FSD1L: variants seen among roughly 807,000 people sequenced by gnomAD.
FSD1L encodes fibronectin type III and SPRY domain containing 1 like, also known as FSD1-like protein.
FSD1L carries 45 observed loss-of-function variants against 71.6 expected under a neutral mutation model. The ratio of observed to expected loss-of-function variants is 0.63; its 90% CI spans 0.49 to 0.81. The LOEUF (loss-of-function observed/expected upper bound fraction) is 0.81. FSD1L is among the 30% of genes least tolerant of loss of function. FSD1L has a pLI of 0.00. For synonymous variants in FSD1L, 197 were observed against 207.2 expected (o/e 0.95, Z 0.42); for missense variants, 561 against 618.1 (o/e 0.91, Z 0.98).
chr9:105,474,839 G>A (rs1296084414), intron 5 of FSD1L, among the ~76,000 whole-genome samples: 2 of 152,220 alleles, frequency 1.3e-5, no homozygotes, highest in African/African-American at 4.8e-5. Context: ...AGAACTGAAT[G>A]TGAAGTTATG....
At chr9:105,475,853 G>A (rs1008923063) in intron 5 of FSD1L, among the ~76,000 whole-genome samples, 1 of 152,144 alleles carries the variant, frequency 6.6e-6, no homozygotes, top group African/African-American at 2.4e-5. Context: ...TTTATGAACA[G>A]ATAAATATAT....
intron 10 of FSD1L, chr9:105,526,015 C>T: frequency 1.3e-6 from 2 of 1,524,586 alleles, no homozygotes; most frequent in Non-Finnish European, 1.8e-6. Context: ...AGGAATTATT[C>T]CCACAGAATT....
chr9:105,464,211 A>G (rs1830907277), intron 2 of FSD1L, 25 bp from the exon 3 acceptor site: 1 of 1,198,230 alleles, frequency 8.3e-7, no homozygotes, highest in Non-Finnish European at 1.2e-6. Flanking sequence ...GAAATATAGT[A>G]TTTTAATGCT....
chr9:105,521,534 A>G, intron 10 of FSD1L: 1 of 1,613,930 alleles, frequency 6.2e-7, no homozygotes. Flanking sequence ...GTGAAGCAGC[A>G]GCTATGAGAA....
In FSD1L at chr9:105,464,912, C is replaced by T. The variant is rs139815293; in HGVS notation, c.207+581C>T. ...GGAGGATCGTCTGAGCCCAGGACGT[C>T]GAGGCTGCAGTGAGCATTGATTGTA... is the stretch of plus-strand genomic sequence containing the variant. On this transcript the variant is annotated intron_variant, in intron 3 of 13. Transcript: ENST00000481272. Among the ~76,000 whole-genome samples the T allele has an allele frequency of 6.5e-4, 99 of 152,072 alleles. 1 individual carries two copies. The East Asian group carries it at 0.016, about 24-fold the overall frequency.
intron 10 of FSD1L, chr9:105,513,668 A>C: frequency 4.1e-6 from 6 of 1,475,630 alleles, no homozygotes; most frequent in Non-Finnish European, 5.4e-6. Flanking sequence ...AGGACTTAGT[A>C]AAATCTAGCT....
intron 10 of FSD1L, among the ~76,000 whole-genome samples, chr9:105,534,110 G>T (rs1836109324): frequency 6.6e-6 from 1 of 152,192 alleles, no homozygotes; most frequent in South Asian, 2.1e-4. Context: ...ATTATAAGAA[G>T]AAACCTATTT....
In FSD1L at chr9:105,471,882, GTT is replaced by G. The variant is rs770801403; in HGVS notation, c.340-8_340-7del. On this transcript the variant is annotated intron_variant, in intron 4 of 13. Coordinates refer to ENST00000481272, the MANE Select transcript of FSD1L (RefSeq NM_001145313.3). ...TAGGAAACTTCATTTTAATGACTTA[GTT>G]TTTTTTTTTTTTTCCCTAGAGTCAG... 1.4e-3 allele frequency: 1,049 copies of G among 738,846 alleles called. No individual in the cohort carries two copies. The highest frequency in any genetic ancestry group is 2.2e-3 in the South Asian group (71 of 32,306). 45.8% of individuals were successfully genotyped at this position (738,846 alleles called of 1,614,324 possible).
intron 10 of FSD1L, among the ~76,000 whole-genome samples, chr9:105,533,956 C>T (rs1450456999): frequency 2.6e-5 from 4 of 152,104 alleles, no homozygotes; most frequent in African/African-American, 9.7e-5. Flanking sequence ...CTCCCGACCT[C>T]AGGTGATCCT....
rs556132396 is a variant in FSD1L, at chr9:105,524,817, A to G, written c.1026-9676A>G. The G allele has an allele frequency of 3.8e-5, 61 of 1,589,296 alleles. No homozygotes were observed. In the African/African-American group the frequency reaches 5.4e-4, roughly 14 times the overall value. On this transcript the variant is annotated intron_variant, in intron 10 of 13. Transcript: ENST00000481272. ...GGTAAATCACCTGGGCCATTATCCA[A>G]TGAGCGGTGGTCCTGCTATGCTAAC...
rs536189264 is a variant in FSD1L at position 105,489,239 on chromosome 9, A to C, written c.586+4737A>C. 3.3e-5 allele frequency among the ~76,000 whole-genome samples: 5 copies of C among 152,264 alleles called. No homozygotes were observed. The South Asian group carries it at 1.0e-3, about 32-fold the overall frequency. ...AGGTAAAATGCATGGTGAAGCCTAC[A>C]TATGCCTTTTTTGGGGCCCACTGAT... is the stretch of plus-strand genomic sequence containing the variant. On this transcript the variant is annotated intron_variant, in intron 7 of 13. Transcript: ENST00000481272.
intron 5 of FSD1L, among the ~76,000 whole-genome samples, chr9:105,473,641 A>G (rs778427849): frequency 3.9e-5 from 6 of 152,354 alleles, no homozygotes; most frequent in African/African-American, 1.4e-4. Context: ...ACAGCCTAAG[A>G]GTGAGGAAGA....
intron 1 of FSD1L, among the ~76,000 whole-genome samples, chr9:105,457,584 A>C (rs1411363964): frequency 6.6e-6 from 1 of 152,252 alleles, no homozygotes; most frequent in Non-Finnish European, 1.5e-5. Context: ...CTAATGTCAC[A>C]GGATACTTTG....
rs111766772 is a variant in FSD1L, at chr9:105,474,118, A to G, written c.441+2113A>G. Among the ~76,000 whole-genome samples the G allele has an allele frequency of 9.2e-3, 1,406 of 152,292 alleles. 22 individuals are homozygous for G. Among genetic ancestry groups the G allele is most frequent in the African/African-American group, 0.032 (1,347 of 41,570 alleles). On this transcript the variant is annotated intron_variant, in intron 5 of 13. Coordinates refer to ENST00000481272, the MANE Select transcript of FSD1L (RefSeq NM_001145313.3). ...CATCATTGTGGGAACATTAGAGTGT[A>G]ATGGCACAAACCTAGACAGTATAGC...
Position 105,546,390 on chromosome 9 carries a change from G to A in FSD1L, c.1500G>A (p.Gly500=). Residue 500 remains glycine, a synonymous_variant, in exon 14 of 14, where the codon GGG becomes GGA. Transcript: ENST00000481272. ...GTGGTGGACTTTCTTTGAGTACTGGGATGCAGGTTCCAAGTGCTGTGAGAA... is the reference window on the plus strand; with the variant it reads ...GTGGTGGACTTTCTTTGAGTACTGGAATGCAGGTTCCAAGTGCTGTGAGAA... ...VWCGGLSLST[G]MQVPSAVRTL... is the part of the protein sequence containing the mutation. 6.5e-7 allele frequency: 1 copy of A among 1,550,100 alleles called. No individual in the cohort carries two copies. Among genetic ancestry groups the A allele is most frequent in the Non-Finnish European group, 8.7e-7 (1 of 1,146,070 alleles).
chr9:105,546,228 A>G (rs375846584), intron 13 of FSD1L, 130 bp from the exon 14 acceptor site: 7 of 765,446 alleles, frequency 9.1e-6, no homozygotes, highest in South Asian at 7.0e-5. Flanking sequence ...CAGCTGAAAT[A>G]TGACAGTTAA....
At chr9:105,543,654 G>T (rs745425093) in intron 13 of FSD1L, among the ~76,000 whole-genome samples, 18 of 151,846 alleles carry the variant, frequency 1.2e-4, no homozygotes, top group African/African-American at 4.4e-4. Flanking sequence ...TCATTGTTCA[G>T]TTCCCACCTA....
In FSD1L at chr9:105,508,696, A is replaced by G. The variant is rs1482578744; in HGVS notation, c.876A>G (p.Pro292=). 12 of 1,547,762 alleles carry G rather than the reference A, an allele frequency of 7.8e-6. No homozygotes were observed. The South Asian group carries it at 1.4e-4, about 18-fold the overall frequency. The change falls in exon 9 of 14, where the codon CCA becomes CCG. Residue 292 remains proline, a synonymous_variant. Coordinates refer to ENST00000481272, the MANE Select transcript of FSD1L (RefSeq NM_001145313.3). ...CTGTGGCTGGAGAGTATTCTGATCCAGTGACTCTAGAGACCAAAGGTGAGA... is the reference window on the plus strand; with the variant it reads ...CTGTGGCTGGAGAGTATTCTGATCCGGTGACTCTAGAGACCAAAGGTGAGA... ...NKAVAGEYSD[P]VTLETKALNF...
rs1362046375 is a variant in FSD1L, at chr9:105,550,364, T to A, written c.*3881T>A. 6.6e-6 allele frequency: 1 copy of A among 152,050 alleles called. No individual in the cohort carries two copies. Among genetic ancestry groups the A allele is most frequent in the Admixed American group, 6.6e-5 (1 of 15,234 alleles). 9.4% of individuals were successfully genotyped at this position (152,050 alleles called of 1,614,324 possible). ...CTCTAGATACATTCTTTTAGGGAAG[T>A]GTATGGTCAACATATATTTACTCAG... On this transcript the variant is annotated 3_prime_UTR_variant, in exon 14 of 14. Transcript: ENST00000481272.
Sources: gnomAD v4.1 joint callset for allele counts (sites outside exome capture counted in the v4.1 genomes callset) on GRCh38, gnomAD v4.1.1 for gene constraint, MANE v1.5 for transcripts, NCBI Gene and HGNC (gene_info 2026-07-23, HGNC 2026-07-21) for gene names.